NPSR1: variants seen among roughly 807,000 people sequenced by gnomAD.
NPSR1 encodes neuropeptide S receptor 1, also known as neuropeptide S receptor.
Under a neutral mutation model 46.9 loss-of-function variants are expected in NPSR1, and 48 were observed. The ratio of observed to expected loss-of-function variants is 1.02; its 90% CI spans 0.81 to 1.30. The LOEUF (loss-of-function observed/expected upper bound fraction) is 1.30. NPSR1 is among the 50% of genes most tolerant of loss of function. The probability of loss-of-function intolerance (pLI) is 0.00; values close to 1 mark genes in which losing one functional copy is unlikely to be tolerated. For synonymous variants in NPSR1, 176 were observed against 168.1 expected (o/e 1.05, Z -0.36); for missense variants, 450 against 449.5 (o/e 1.00, Z -0.01).
chr7:34,820,131 C>A (rs750106072), intron 4 of NPSR1, among the ~76,000 whole-genome samples: 1 of 152,014 alleles, frequency 6.6e-6, no homozygotes, highest in Non-Finnish European at 1.5e-5. Flanking sequence ...AAAAACTAAA[C>A]AAAACAATAC....
At chr7:34,761,968 T>C (rs1320144797) in intron 2 of NPSR1, among the ~76,000 whole-genome samples, 2 of 152,180 alleles carry the variant, frequency 1.3e-5, no homozygotes, top group Admixed American at 6.5e-5. Flanking sequence ...CACAGGAGTT[T>C]TTTGTGGCCC....
At chr7:34,749,454 A>G (rs1159151407) in intron 2 of NPSR1, among the ~76,000 whole-genome samples, 3 of 152,188 alleles carry the variant, frequency 2.0e-5, no homozygotes, top group Admixed American at 2.0e-4. Flanking sequence ...TTTAATCTTC[A>G]CAAAGTAAGT....
At chr7:34,833,242 T>G (rs2128759206) in intron 5 of NPSR1, among the ~76,000 whole-genome samples, 1 of 152,334 alleles carries the variant, frequency 6.6e-6, no homozygotes, top group East Asian at 1.9e-4. Flanking sequence ...TGTCCCAAAG[T>G]TTTTAGTCAA....
At chr7:34,875,509 C>T (rs563873971) in intron 8 of NPSR1, among the ~76,000 whole-genome samples, 81 of 152,292 alleles carry the variant, frequency 5.3e-4, no homozygotes, top group African/African-American at 1.7e-3. Flanking sequence ...AGTTCTCTGG[C>T]CCTGGGGCTC....
chr7:34,781,598 C>T lies in NPSR1; in HGVS notation c.384+3033C>T, dbSNP rs147694543. 1.1e-3 allele frequency among the ~76,000 whole-genome samples: 169 copies of T among 152,288 alleles called. 1 individual carries two copies. Among genetic ancestry groups the T allele is most frequent in the African/African-American group, 4.0e-3 (167 of 41,562 alleles). On this transcript the variant is annotated intron_variant, in intron 3 of 8. Coordinates refer to ENST00000360581, the MANE Select transcript of NPSR1 (RefSeq NM_207172.2). ...ACTAGCATCTTTTCCCACTGAGTAA[C>T]CAACAGTCATTCCTGCAAGAGAACC...
intron 2 of NPSR1, among the ~76,000 whole-genome samples, chr7:34,761,954 T>C (rs1012999597): frequency 2.0e-5 from 3 of 152,180 alleles, no homozygotes; most frequent in Non-Finnish European, 4.4e-5. Flanking sequence ...CTTGTGCTTA[T>C]GAGCACAGGA....
chr7:34,658,647 G>A, intron 1 of NPSR1, 88 bp downstream of exon 1: 1 of 1,273,518 alleles, frequency 7.9e-7, no homozygotes, highest in Non-Finnish European at 1.1e-6. Context: ...ATCATAGCCA[G>A]TATTGTGAAT....
chr7:34,851,942 C>T (rs1299244919), downstream of NPSR1, among the ~76,000 whole-genome samples: 1 of 152,136 alleles, frequency 6.6e-6, no homozygotes, highest in Non-Finnish European at 1.5e-5. Context: ...GGTAAGGATT[C>T]TGGAATTGTC....
chr7:34,840,950 G>T (rs1241820644), intron 6 of NPSR1, among the ~76,000 whole-genome samples: 1 of 152,170 alleles, frequency 6.6e-6, no homozygotes, highest in East Asian at 1.9e-4. Flanking sequence ...GAGACCTAAT[G>T]TGCTTAAAAT....
chr7:34,788,398 T>C (rs1787565125), intron 3 of NPSR1, among the ~76,000 whole-genome samples: 1 of 151,602 alleles, frequency 6.6e-6, no homozygotes, highest in Non-Finnish European at 1.5e-5. Context: ...AAAAAAAATA[T>C]ATGATAGCCA....
Position 34,777,467 on chromosome 7 carries a change from G to A in NPSR1, c.281-995G>A, listed in dbSNP as rs118072402. ...TGGTGGGGGATGGGAGAGGGGTGGC[G>A]TCAGAGATTTAAAACTGTTTTTTTT... On this transcript the variant is annotated intron_variant, in intron 2 of 8. Transcript: ENST00000360581. 3.5e-3 allele frequency among the ~76,000 whole-genome samples: 528 copies of A among 151,206 alleles called. 3 individuals are homozygous for A. Among genetic ancestry groups the A allele is most frequent in the African/African-American group, 0.012 (505 of 41,246 alleles).
At chr7:34,814,496 T>C (rs1407428482) in intron 4 of NPSR1, among the ~76,000 whole-genome samples, 2 of 152,244 alleles carry the variant, frequency 1.3e-5, no homozygotes, top group Admixed American at 6.5e-5. Flanking sequence ...AGACAGCTTC[T>C]GCAGACTTAA....
chr7:34,808,941 C>A (rs1302414220), intron 3 of NPSR1, among the ~76,000 whole-genome samples: 1 of 152,116 alleles, frequency 6.6e-6, no homozygotes, highest in African/African-American at 2.4e-5. Context: ...TTGATTGTAT[C>A]TCAAAGTCAG....
intron 3 of NPSR1, among the ~76,000 whole-genome samples, chr7:34,810,905 A>G (rs563852950): frequency 6.6e-6 from 1 of 152,290 alleles, no homozygotes; most frequent in African/African-American, 2.4e-5. Context: ...TCCCTGGTCC[A>G]TCCATCACAG....
At chr7:34,785,526 T>TATAATA (rs112586709) in intron 3 of NPSR1, among the ~76,000 whole-genome samples, 71,065 of 150,762 alleles carry the variant, frequency 0.47, 17,066 homozygotes, top group African/African-American at 0.54. Context: ...AAACTTAAAG[T>TATAATA]ATAATAAAAA....
chr7:34,778,518 G>A lies in NPSR1; in HGVS notation c.337G>A (p.Asp113Asn). 6.2e-7 allele frequency: 1 copy of A among 1,613,034 alleles called. No individual in the cohort carries two copies. The highest frequency in any genetic ancestry group is 8.5e-7 in the Non-Finnish European group (1 of 1,179,370). The change falls in exon 3 of 9, where the codon GAC becomes AAC. Residue 113 changes from aspartate to asparagine, a missense_variant. Coordinates refer to ENST00000360581, the MANE Select transcript of NPSR1 (RefSeq NM_207172.2). ...LTDINWRFTGDFTAPDLVCRV... is the reference protein window; with the variant it reads ...LTDINWRFTGNFTAPDLVCRV... ...AGATATTAATTGGCGATTCACTGGA[G>A]ACTTCACGGCACCTGACCTGGTTTG...
At chr7:34,741,189 G>A (rs981564368) in intron 2 of NPSR1, among the ~76,000 whole-genome samples, 5 of 152,144 alleles carry the variant, frequency 3.3e-5, no homozygotes, top group Non-Finnish European at 5.9e-5. Flanking sequence ...TCTCCTTGGA[G>A]TTCATCAGGC....
intron 6 of NPSR1, among the ~76,000 whole-genome samples, chr7:34,843,190 A>C (rs1428451650): frequency 1.3e-5 from 2 of 152,212 alleles, no homozygotes; most frequent in Non-Finnish European, 2.9e-5. Flanking sequence ...GCTATAACAG[A>C]ATACCACAGA....
At chr7:34,670,354 G>A (rs421417) in intron 1 of NPSR1, among the ~76,000 whole-genome samples, 45,549 of 151,772 alleles carry the variant, frequency 0.3, 8,281 homozygotes, top group African/African-American at 0.52. Flanking sequence ...AACTACCACA[G>A]TTAGTAAAAA....
Sources: allele counts gnomAD v4.1 joint callset (sites outside exome capture counted in the v4.1 genomes callset), GRCh38; gene constraint gnomAD v4.1.1; transcripts MANE v1.5; gene names NCBI Gene and HGNC (gene_info 2026-07-23, HGNC 2026-07-21).